Variants in RAB3B observed in about 807,000 individuals in gnomAD.
The protein encoded by RAB3B is RAB3B, member RAS oncogene family.
A neutral mutation model predicts 20.5 loss-of-function variants in RAB3B; 11 were observed. That is an observed-to-expected ratio of 0.54 (90% confidence interval 0.34 to 0.89). The LOEUF (loss-of-function observed/expected upper bound fraction) is 0.89. Ranked by LOEUF, RAB3B falls within the 40% of genes least tolerant of loss-of-function variation. The pLI, the probability that RAB3B is intolerant of heterozygous loss-of-function variation, is 0.02. For missense variants in RAB3B, 225 were observed against 280.9 expected (o/e 0.80, Z 1.42); for synonymous variants, 99 against 106.3 (o/e 0.93, Z 0.42).
At chr1:51,964,546 T>C (rs1160389463) in intron 2 of RAB3B, among the ~76,000 whole-genome samples, 1 of 152,074 alleles carries the variant, frequency 6.6e-6, no homozygotes, top group Non-Finnish European at 1.5e-5. Flanking sequence ...TATCTCTACT[T>C]GGTTATCTAA....
chr1:51,944,939 A>G (rs998677978), intron 2 of RAB3B, among the ~76,000 whole-genome samples: 3 of 152,216 alleles, frequency 2.0e-5, no homozygotes, highest in Admixed American at 6.5e-5. Flanking sequence ...GTAAAATGCT[A>G]TCAAACAGCA....
In RAB3B at chr1:51,917,043, G is replaced by A. The variant is rs1684096059; in HGVS notation, c.*2884C>T. ...AGACCTTGGAGCCTACTGCCTGGATGTGAACTCCAGCTCTACCACTTACTT... is the reference window on the plus strand; with the variant it reads ...AGACCTTGGAGCCTACTGCCTGGATATGAACTCCAGCTCTACCACTTACTT... On this transcript the variant is annotated 3_prime_UTR_variant, in exon 5 of 5. Coordinates refer to ENST00000371655, the MANE Select transcript of RAB3B (RefSeq NM_002867.4). 6.6e-6 allele frequency: 1 copy of A among 152,196 alleles called. No homozygotes were observed. The highest frequency in any genetic ancestry group is 6.5e-5 in the Admixed American group (1 of 15,276). 9.4% of individuals were successfully genotyped at this position (152,196 alleles called of 1,614,324 possible). A position where few individuals can be genotyped will look rare whatever the true frequency, so the allele number is the denominator to read the frequency against.
At chr1:51,953,463 A>T (rs1436459010) in intron 2 of RAB3B, among the ~76,000 whole-genome samples, 1 of 152,240 alleles carries the variant, frequency 6.6e-6, no homozygotes, top group Non-Finnish European at 1.5e-5. Flanking sequence ...TGTGCTGAGA[A>T]ATTGCAGGTG....
At chr1:51,989,145 T>G (rs2124325568) in intron 1 of RAB3B, among the ~76,000 whole-genome samples, 1 of 74,692 alleles carries the variant, frequency 1.3e-5, no homozygotes, top group Admixed American at 1.5e-4. Flanking sequence ...CCTCTCCTTT[T>G]ACTGTCTCCC....
At chr1:51,971,123 T>C (rs972611483) in intron 2 of RAB3B, among the ~76,000 whole-genome samples, 1 of 151,488 alleles carries the variant, frequency 6.6e-6, no homozygotes, top group Middle Eastern at 3.4e-3. Flanking sequence ...CCAGACACAG[T>C]ATTATGTTAT....
chr1:51,943,283 C>CT, intron 2 of RAB3B, among the ~76,000 whole-genome samples: 1 of 152,186 alleles, frequency 6.6e-6, no homozygotes, highest in Non-Finnish European at 1.5e-5. Flanking sequence ...ACTCAGGAGG[C>CT]TGAGGCAGGA....
intron 2 of RAB3B, among the ~76,000 whole-genome samples, chr1:51,969,450 GGACTTT>G (rs776305624): frequency 8.5e-5 from 13 of 152,180 alleles, no homozygotes; most frequent in Non-Finnish European, 1.5e-4. Context: ...TGGGCCACAT[GGACTTT>G]GACTTTGAGT....
In RAB3B at chr1:51,938,548, T is replaced by C. The variant is rs888170111; in HGVS notation, c.229-1136A>G. On this transcript the variant is annotated intron_variant, in intron 2 of 4. Coordinates refer to ENST00000371655, the MANE Select transcript of RAB3B (RefSeq NM_002867.4). ...ATTTAACGATATGAGACAATACTTG[T>C]ATGTGTGATGTATTAGTTTTATAAC... is the stretch of plus-strand genomic sequence containing the variant. 2.6e-5 allele frequency among the ~76,000 whole-genome samples: 4 copies of C among 152,322 alleles called. No homozygotes were observed. The East Asian group carries it at 7.7e-4, about 29-fold the overall frequency.
chr1:51,923,473 T>G (rs893779960), intron 4 of RAB3B, among the ~76,000 whole-genome samples: 4 of 152,058 alleles, frequency 2.6e-5, no homozygotes, highest in Non-Finnish European at 5.9e-5. Flanking sequence ...CCCTGCAGTT[T>G]GGGAGGCCGA....
intron 2 of RAB3B, among the ~76,000 whole-genome samples, chr1:51,969,876 G>A (rs1684904702): frequency 6.6e-6 from 1 of 151,948 alleles, no homozygotes; most frequent in South Asian, 2.1e-4. Context: ...ACTTACTGCT[G>A]GGTGCTGGTT....
chr1:51,934,514 G>A (rs1045416888), intron 3 of RAB3B, among the ~76,000 whole-genome samples: 2 of 152,172 alleles, frequency 1.3e-5, no homozygotes, highest in African/African-American at 4.8e-5. Context: ...GCCCACGCCT[G>A]TAATCCCAGC....
At chr1:51,933,588 A>G in intron 3 of RAB3B, 146 bp from the exon 4 acceptor site, 1 of 697,070 alleles carries the variant, frequency 1.4e-6, no homozygotes, top group Non-Finnish European at 2.3e-6. Context: ...TATGTCAATG[A>G]GGCTAGAGTC....
intron 1 of RAB3B, chr1:51,980,657 A>T: frequency 1.3e-6 from 1 of 757,434 alleles, no homozygotes; most frequent in African/African-American, 1.7e-5. Context: ...TTCGATGCCT[A>T]TGTGCTTCCC....
chr1:51,956,682 G>A (rs762051005), intron 2 of RAB3B, among the ~76,000 whole-genome samples: 8 of 152,142 alleles, frequency 5.3e-5, no homozygotes, highest in African/African-American at 1.7e-4. Flanking sequence ...CAAGGCAGTC[G>A]CTAATTACCA....
intron 1 of RAB3B, among the ~76,000 whole-genome samples, chr1:51,986,378 C>G (rs938014954): frequency 1.3e-5 from 2 of 151,948 alleles, no homozygotes; most frequent in African/African-American, 2.4e-5. Context: ...TCTCGGTCTC[C>G]TGACCTTGTG....
intron 2 of RAB3B, among the ~76,000 whole-genome samples, chr1:51,963,528 A>T (rs1684810338): frequency 6.6e-6 from 1 of 152,228 alleles, no homozygotes; most frequent in Non-Finnish European, 1.5e-5. Context: ...TCATGAGCTG[A>T]TGAATTTAAA....
Position 51,910,832 on chromosome 1 carries a change from C to A in RAB3B, c.*9095G>T, listed in dbSNP as rs1373673150. ...ACCCCAGAAACAGATGCATTTGAAT[C>A]TGAAAGGAGACAGGAATCCTAATCC... On this transcript the variant is annotated 3_prime_UTR_variant, in exon 5 of 5. Coordinates refer to ENST00000371655, the MANE Select transcript of RAB3B (RefSeq NM_002867.4). 2.0e-5 allele frequency: 3 copies of A among 152,174 alleles called. No individual in the cohort carries two copies. The highest frequency in any genetic ancestry group is 7.2e-5 in the African/African-American group (3 of 41,450). The allele number at this position is 152,174 out of a possible 1,614,324, so 9.4% of individuals were successfully genotyped here.
intron 2 of RAB3B, among the ~76,000 whole-genome samples, chr1:51,956,475 G>A (rs1684708261): frequency 6.6e-6 from 1 of 152,148 alleles, no homozygotes. Context: ...TGCCTGCTAG[G>A]ATGCTAAACT....
chr1:51,924,735 C>G (rs1684220348), intron 4 of RAB3B, among the ~76,000 whole-genome samples: 1 of 152,228 alleles, frequency 6.6e-6, no homozygotes, highest in Non-Finnish European at 1.5e-5. Flanking sequence ...AAGGGCCTCT[C>G]TTGCTTAGCA....
Sources: allele counts gnomAD v4.1 joint callset (sites outside exome capture counted in the v4.1 genomes callset), GRCh38; gene constraint gnomAD v4.1.1; transcripts MANE v1.5; gene names NCBI Gene and HGNC (gene_info 2026-07-23, HGNC 2026-07-21).